The following KCNMB3 variants were observed in gnomAD, a reference collection of about 807,000 sequenced individuals.
KCNMB3 encodes the protein potassium calcium-activated channel subfamily M regulatory beta subunit 3, also known as calcium-activated potassium channel subunit beta-3.
A neutral mutation model predicts 11.9 loss-of-function variants in KCNMB3; 18 were observed. That is an observed-to-expected ratio of 1.51 (90% CI 1.04 to 2.23). KCNMB3 has a LOEUF of 2.23. Among genes scored for constraint, KCNMB3 ranks in the 30% most tolerant of loss-of-function variants. The probability of loss-of-function intolerance (pLI) is 0.00; values close to 1 mark genes in which losing one functional copy is unlikely to be tolerated. For synonymous variants in KCNMB3, 78 were observed against 119.2 expected (o/e 0.65, Z 2.25); for missense variants, 247 against 329.4 (o/e 0.75, Z 1.94).
chr3:179,255,568 G>C (rs1725985990), upstream of KCNMB3, among the ~76,000 whole-genome samples: 1 of 152,140 alleles, frequency 6.6e-6, no homozygotes, highest in African/African-American at 2.4e-5. Flanking sequence ...GTATTAAAGA[G>C]AGGTTCAGAG....
intron 1 of KCNMB3, among the ~76,000 whole-genome samples, chr3:179,263,491 G>A (rs1164298094): frequency 2.6e-5 from 4 of 152,012 alleles, no homozygotes; most frequent in Non-Finnish European, 5.9e-5. Flanking sequence ...GGCCGAGGAG[G>A]CGCGGAGAGC....
chr3:179,254,859 T>C (rs1435684812), upstream of KCNMB3, among the ~76,000 whole-genome samples: 2 of 151,914 alleles, frequency 1.3e-5, no homozygotes, highest in Non-Finnish European at 2.9e-5. Context: ...TATGCACTCA[T>C]TTAGAAGTCA....
At chr3:179,252,700 GA>G (rs1281153052), upstream of KCNMB3, among the ~76,000 whole-genome samples, 4 of 146,098 alleles carry the variant, frequency 2.7e-5, no homozygotes, top group South Asian at 2.2e-4. Flanking sequence ...AAGGGGCATG[GA>G]AAAAAAATTT....
chr3:179,261,700 CTT>C (rs776294578), intron 1 of KCNMB3, among the ~76,000 whole-genome samples: 2 of 152,238 alleles, frequency 1.3e-5, no homozygotes, highest in Non-Finnish European at 2.9e-5. Context: ...ACCCTACTCT[CTT>C]GAGATGCTGG....
intron 1 of KCNMB3, among the ~76,000 whole-genome samples, chr3:179,263,061 A>T (rs1010029833): frequency 6.6e-6 from 1 of 152,346 alleles, no homozygotes; most frequent in Non-Finnish European, 1.5e-5. Flanking sequence ...CGCACTCCTC[A>T]GACCTTGAGT....
At chr3:179,241,221 C>T (rs1725447565), downstream of KCNMB3, 2 of 152,076 alleles carry the variant, frequency 1.3e-5, no homozygotes, top group Admixed American at 1.3e-4. Flanking sequence ...ACCTGCCCTA[C>T]TTTGCTTATT....
intron 1 of KCNMB3, among the ~76,000 whole-genome samples, chr3:179,262,219 T>C (rs1726236741): frequency 6.6e-6 from 1 of 152,232 alleles, no homozygotes; most frequent in Admixed American, 6.5e-5. Flanking sequence ...ATCTAAATGA[T>C]AAATATAGAA....
intron 1 of KCNMB3, chr3:179,258,922 C>T: frequency 6.2e-7 from 1 of 1,611,634 alleles, no homozygotes; most frequent in East Asian, 2.2e-5. Context: ...CAGTGCATCT[C>T]TATGAATTTA....
intron 1 of KCNMB3, among the ~76,000 whole-genome samples, chr3:179,248,196 T>C (rs1725709370): frequency 6.6e-6 from 1 of 152,226 alleles, no homozygotes; most frequent in Admixed American, 6.5e-5. Flanking sequence ...TTGGGCAAGT[T>C]ACTTGGCCTT....
upstream of KCNMB3, chr3:179,251,609 C>A: frequency 7.9e-7 from 1 of 1,271,298 alleles, no homozygotes; most frequent in Non-Finnish European, 9.9e-7. Context: ...TACATTCTCG[C>A]AGGGCAGGGT....
In KCNMB3 at chr3:179,251,007, C is replaced by G; in HGVS notation, c.-17G>C. On this transcript the variant is annotated 5_prime_UTR_variant, in exon 1 of 3. Transcript: ENST00000392685. ...GGGGAACATTTCCAATCCATGGGGA[C>G]TGGAGGGATAATCTCATTTGCTGCC... The G allele has an allele frequency of 6.2e-7, 1 of 1,614,152 alleles. No individual in the cohort carries two copies.
At chr3:179,263,018 G>A (rs1726269701) in intron 1 of KCNMB3, among the ~76,000 whole-genome samples, 1 of 152,258 alleles carries the variant, frequency 6.6e-6, no homozygotes, top group South Asian at 2.1e-4. Flanking sequence ...CGGGGCCACA[G>A]GTGGAGCTGC....
upstream of KCNMB3, among the ~76,000 whole-genome samples, chr3:179,255,243 G>A (rs1321445087): frequency 1.3e-5 from 2 of 151,136 alleles, no homozygotes; most frequent in Admixed American, 6.6e-5. Context: ...AGGCGTTTGA[G>A]TGCAAAAAAA....
downstream of KCNMB3, chr3:179,240,136 AAAC>A: frequency 1.0e-6 from 1 of 955,574 alleles, no homozygotes; most frequent in Non-Finnish European, 1.5e-6. Flanking sequence ...CATAAGCAAA[AAAC>A]TGTGATAATT....
At chr3:179,250,683 CCG>C (rs1725805533) in intron 1 of KCNMB3, 58 bp downstream of exon 1, 1 of 1,544,278 alleles carries the variant, frequency 6.5e-7, no homozygotes, top group African/African-American at 1.4e-5. Flanking sequence ...TCCTCCTTTA[CCG>C]CTGTGCCTGG....
chr3:179,266,659 GCCT>G (rs770962233), exon 1 of KCNMB3: 4 of 1,614,096 alleles, frequency 2.5e-6, no homozygotes, highest in Non-Finnish European at 2.5e-6. Flanking sequence ...CTCCCCTGGC[GCCT>G]CCGGCTGCCC....
intron 1 of KCNMB3, chr3:179,261,078 G>C (rs1243415660): frequency 1.2e-5 from 13 of 1,111,356 alleles, no homozygotes; most frequent in South Asian, 8.7e-5. Context: ...AGCATGTTAC[G>C]AGACCCCTTC....
chr3:179,261,329 G>GCCC, intron 1 of KCNMB3: 2 of 1,129,700 alleles, frequency 1.8e-6, no homozygotes, highest in Non-Finnish European at 2.2e-6. Context: ...CCGTGCCGGA[G>GCCC]CCCCCCCCCG....
chr3:179,245,771 T>C (rs1379117739), intron 1 of KCNMB3, among the ~76,000 whole-genome samples: 1 of 152,148 alleles, frequency 6.6e-6, no homozygotes, highest in Non-Finnish European at 1.5e-5. Context: ...AGTGCTGGGA[T>C]TACAGGCGTG....
Sources: gnomAD v4.1 joint callset for allele counts (sites outside exome capture counted in the v4.1 genomes callset) on GRCh38, gnomAD v4.1.1 for gene constraint, MANE v1.5 for transcripts, NCBI Gene and HGNC (gene_info 2026-07-23, HGNC 2026-07-21) for gene names.